The following CDKL5 variants were observed in gnomAD, a reference collection of about 807,000 sequenced individuals.
CDKL5 encodes the protein cyclin-dependent kinase-like 5.
Under a neutral mutation model 61.7 loss-of-function variants are expected in CDKL5, and 8 were observed. The ratio of observed to expected loss-of-function variants is 0.13; its 90% CI spans 0.08 to 0.23. The LOEUF (loss-of-function observed/expected upper bound fraction) is 0.23. Ranked by LOEUF, CDKL5 falls within the 10% of genes least tolerant of loss-of-function variation. The pLI, the probability that CDKL5 is intolerant of heterozygous loss-of-function variation, is 1.00. For synonymous variants in CDKL5, 275 were observed against 272.3 expected, an observed-to-expected ratio of 1.01 and a Z score of -0.10; for missense variants, 440 against 734.5, an observed-to-expected ratio of 0.60 and a Z score of 4.63.
intron 3 of CDKL5, among the ~76,000 whole-genome samples, chrX:18,534,628 A>G (rs923556053): frequency 1.8e-5 from 2 of 111,879 alleles, no homozygotes; most frequent in Non-Finnish European, 1.9e-5. Context: ...ATCATTATCT[A>G]TTTGGGAGAT....
intron 6 of CDKL5, among the ~76,000 whole-genome samples, 167 bp downstream of exon 6, chrX:18,580,135 C>CCTT (rs1346266739): frequency 8.9e-6 from 1 of 112,230 alleles, no homozygotes; most frequent in African/African-American, 3.2e-5. Context: ...CTCCATATCT[C>CCTT]CTTTTCTATC....
chrX:18,547,157 A>C (rs985078299), intron 3 of CDKL5, among the ~76,000 whole-genome samples: 1 of 112,247 alleles, frequency 8.9e-6, no homozygotes, highest in African/African-American at 3.2e-5. Flanking sequence ...TGGTTGAATA[A>C]ATGAATGAAT....
intron 4 of CDKL5, among the ~76,000 whole-genome samples, chrX:18,565,806 G>GA (rs999107716): frequency 8.9e-6 from 1 of 112,014 alleles, no homozygotes; most frequent in Non-Finnish European, 1.9e-5. Flanking sequence ...GTAAAAAGTG[G>GA]AAGGTAAAAA....
chrX:18,489,637 C>T (rs1248926495), intron 1 of CDKL5, among the ~76,000 whole-genome samples: 1 of 111,312 alleles, frequency 9.0e-6, no homozygotes, highest in African/African-American at 3.3e-5. Flanking sequence ...TCTGAATCCA[C>T]TTATGACCTG....
At chrX:18,621,513 A>G (rs1289416003) in intron 16 of CDKL5, among the ~76,000 whole-genome samples, 1 of 111,760 alleles carries the variant, frequency 8.9e-6, no homozygotes, top group Non-Finnish European at 1.9e-5. Context: ...TGTTTAGCCT[A>G]TGCATATGTT....
In CDKL5 at chrX:18,628,635, A is replaced by G. The variant is rs1472122170; in HGVS notation, c.2761A>G (p.Thr921Ala). 1.4e-5 allele frequency: 17 copies of G among 1,209,308 alleles called. No homozygotes were observed. In the Admixed American group the frequency reaches 2.2e-4, roughly 16 times the overall value. Residue 921 changes from threonine (T) to alanine (A), a missense_variant, in exon 18 of 18, where the codon ACA (threonine) becomes GCA (alanine). Physicochemically the swap from Thr to Ala is moderately conservative, Grantham distance 58. Coordinates refer to ENST00000623535, the MANE Select transcript of CDKL5 (RefSeq NM_001323289.2). ...TGTGTCCTCTGTGACCAGGAGTGCC[A>G]CAGAGGGCCCTTCCTACTCTGAACA... ...WHVSSVTRSATEGPSYSEQLG... is the reference protein window; with the variant it reads ...WHVSSVTRSAAEGPSYSEQLG...
In CDKL5 at chrX:18,633,212, T is replaced by C. The variant is rs1244366265; in HGVS notation, c.*4455T>C. 1 of 753,081 alleles carries C rather than the reference T, an allele frequency of 1.3e-6. No homozygotes were observed. The highest frequency in any genetic ancestry group is 1.6e-6 in the Non-Finnish European group (1 of 639,270). 62.1% of individuals were successfully genotyped at this position (753,081 alleles called of 1,213,427 possible). On this transcript the variant is annotated 3_prime_UTR_variant, in exon 18 of 18. Transcript: ENST00000623535. The stretch of plus-strand genomic sequence containing the variant: ...GGTTCTAAGATCCACAGACTCATAC[T>C]TTTGTGAACTTTGGAATGTGGTAGG...
rs1362210378 is a variant in CDKL5, at chrX:18,632,697, T to C, written c.*3940T>C. 17 of 752,467 alleles carry C rather than the reference T, an allele frequency of 2.3e-5. No individual in the cohort carries two copies. The highest frequency in any genetic ancestry group is 2.7e-5 in the Non-Finnish European group (17 of 638,845). The allele number at this position is 752,467 out of a possible 1,213,427, so 62.0% of individuals were successfully genotyped here. A position where few individuals can be genotyped will look rare whatever the true frequency, so the allele number is the denominator to read the frequency against. Reference sequence around the variant, plus strand: ...TAAGCTCAGAGCTATGCTGTCAGTCTCTAGTCACGCCATGTATTATAAAGT... The same window carrying C: ...TAAGCTCAGAGCTATGCTGTCAGTCCCTAGTCACGCCATGTATTATAAAGT... On this transcript the variant is annotated 3_prime_UTR_variant, in exon 18 of 18. Coordinates refer to ENST00000623535, the MANE Select transcript of CDKL5 (RefSeq NM_001323289.2).
At position 18,477,695 on chromosome X, in the gene CDKL5, A is replaced by G. The variant is rs757414915; in HGVS notation, c.-162-29240A>G. On this transcript the variant is annotated intron_variant, in intron 1 of 17. Coordinates refer to ENST00000623535, the MANE Select transcript of CDKL5 (RefSeq NM_001323289.2). ...AGATGTATGCTAACTTAACTCCAGT[A>G]AGATATAGAAACCGTTCCTTCCATG... Among the ~76,000 whole-genome samples, 6 of 111,483 alleles carry G rather than the reference A, an allele frequency of 5.4e-5. No homozygotes were observed. The East Asian group carries it at 1.7e-3, about 32-fold the overall frequency.
At chrX:18,471,546 T>C (rs756156896) in intron 1 of CDKL5, among the ~76,000 whole-genome samples, 1 of 109,677 alleles carries the variant, frequency 9.1e-6, no homozygotes, top group East Asian at 2.9e-4. Flanking sequence ...CTAATGTTTG[T>C]AATTTTTGTA....
At chrX:18,447,527 G>C (rs1386083333) in intron 1 of CDKL5, among the ~76,000 whole-genome samples, 2 of 111,287 alleles carry the variant, frequency 1.8e-5, no homozygotes, top group Non-Finnish European at 3.8e-5. Flanking sequence ...GTGACCTCTT[G>C]TGTGCTGCAT....
In CDKL5 at chrX:18,621,228, A is replaced by G. The variant is rs186106108; in HGVS notation, c.2376+1262A>G. ...ATGAAAATTATAGAATTATGACTCA[A>G]TGGGAAGTAGATTAGGTAGATGTTC... is the stretch of plus-strand genomic sequence containing the variant. On this transcript the variant is annotated intron_variant, in intron 16 of 17. Coordinates refer to ENST00000623535, the MANE Select transcript of CDKL5 (RefSeq NM_001323289.2). Among the ~76,000 whole-genome samples the G allele has an allele frequency of 5.1e-3, 568 of 112,086 alleles. 2 individuals are homozygous for G. The highest frequency in any genetic ancestry group is 0.046 in the Middle Eastern group (10 of 217).
Position 18,639,511 on chromosome X carries a change from T to A in CDKL5, c.*10754T>A, listed in dbSNP as rs763972858. 4.5e-5 allele frequency among the ~76,000 whole-genome samples: 5 copies of A among 112,244 alleles called. No homozygotes were observed. The highest frequency in any genetic ancestry group is 5.6e-5 in the Non-Finnish European group (3 of 53,232). ...AGTCAAAGATGGACAGTAACAAGTGTTGCTGAGGATGTGGAGAAAGTGGAA... is the reference window on the plus strand; with the variant it reads ...AGTCAAAGATGGACAGTAACAAGTGATGCTGAGGATGTGGAGAAAGTGGAA... On this transcript the variant is annotated 3_prime_UTR_variant, in exon 18 of 18. Transcript: ENST00000623535.
intron 3 of CDKL5, among the ~76,000 whole-genome samples, chrX:18,546,609 C>G (rs1361669259): frequency 8.9e-6 from 1 of 111,871 alleles, no homozygotes; most frequent in Non-Finnish European, 1.9e-5. Flanking sequence ...TGTCTCATTT[C>G]TTATTGGTCA....
Position 18,561,539 on chromosome X carries a change from A to G in CDKL5, c.100-2938A>G, listed in dbSNP as rs185216017. ...ATATATTTAACAAAATGGTATAAGA[A>G]GAATCAGTGTCAATAACCTCAGATT... On this transcript the variant is annotated intron_variant, in intron 3 of 17. Transcript: ENST00000623535. Among the ~76,000 whole-genome samples, 540 of 111,560 alleles carry G rather than the reference A, an allele frequency of 4.8e-3. 1 individual carries two copies. Among genetic ancestry groups the G allele is most frequent in the Non-Finnish European group, 7.4e-3 (394 of 52,993 alleles).
At position 18,630,538 on chromosome X, in the gene CDKL5, A is replaced by G; in HGVS notation, c.*1781A>G. ...TTAACCCTCCCCCGAGATTTTGAGAATCATAGCTCTGATGATTATGAAGAT... is the reference window on the plus strand; with the variant it reads ...TTAACCCTCCCCCGAGATTTTGAGAGTCATAGCTCTGATGATTATGAAGAT... On this transcript the variant is annotated 3_prime_UTR_variant, in exon 18 of 18. Transcript: ENST00000623535. The G allele has an allele frequency of 5.3e-6, 4 of 752,832 alleles. No individual in the cohort carries two copies. The highest frequency in any genetic ancestry group is 6.3e-6 in the Non-Finnish European group (4 of 638,348). 62.0% of individuals were successfully genotyped at this position (752,832 alleles called of 1,213,427 possible).
intron 5 of CDKL5, among the ~76,000 whole-genome samples, chrX:18,576,692 G>A (rs16980818): frequency 0.065 from 7,142 of 109,324 alleles, 479 homozygotes; most frequent in African/African-American, 0.2. Flanking sequence ...CAGGTTGTTT[G>A]TAATCTTAAA....
intron 20 of CDKL5, chrX:18,649,988 C>T: frequency 4.9e-6 from 1 of 203,960 alleles, no homozygotes; most frequent in Non-Finnish European, 9.1e-6. Flanking sequence ...CCGCCGCCGC[C>T]GCCCCGCTCA....
At chrX:18,561,197 T>G (rs1448610987) in intron 3 of CDKL5, among the ~76,000 whole-genome samples, 2 of 111,695 alleles carry the variant, frequency 1.8e-5, no homozygotes, top group African/African-American at 6.5e-5. Context: ...GCACTTAAGC[T>G]TCCAGTGACT....
Sources: gnomAD v4.1 joint callset for allele counts (sites outside exome capture counted in the v4.1 genomes callset) on GRCh38, gnomAD v4.1.1 for gene constraint, MANE v1.5 for transcripts, NCBI Gene and HGNC (gene_info 2026-07-23, HGNC 2026-07-21) for gene names.